PTPN4: variants seen among roughly 807,000 people sequenced by gnomAD.
PTPN4 encodes protein tyrosine phosphatase non-receptor type 4, also known as tyrosine-protein phosphatase non-receptor type 4.
In PTPN4, 49 loss-of-function variants were observed where a neutral mutation model predicts 135.5. That is an observed-to-expected ratio of 0.36 (90% confidence interval 0.29 to 0.46). The LOEUF (loss-of-function observed/expected upper bound fraction) is 0.46. PTPN4 is among the 20% of genes least tolerant of loss of function. The probability of loss-of-function intolerance (pLI) is 1.00; values close to 1 mark genes in which losing one functional copy is unlikely to be tolerated. For synonymous variants in PTPN4, 333 were observed against 369.9 expected (o/e 0.90, Z 1.14); for missense variants, 860 against 1,101.0 (o/e 0.78, Z 3.10).
chr2:119,906,463 C>T (rs1363187214), intron 10 of PTPN4, among the ~76,000 whole-genome samples: 2 of 152,174 alleles, frequency 1.3e-5, no homozygotes, highest in African/African-American at 2.4e-5. Flanking sequence ...CGTATCTACA[C>T]GTGATCAAGT....
rs551056585 is a variant in PTPN4, at chr2:119,877,981, C to T, written c.368+439C>T. Among the ~76,000 whole-genome samples the T allele has an allele frequency of 5.3e-5, 8 of 151,800 alleles. No individual in the cohort carries two copies. In the East Asian group the frequency reaches 1.4e-3, roughly 26 times the overall value. ...TTATAAAATATATAACCATTATTTG[C>T]GGGTCAGTAGGTACCTTTTGTCCCC... On this transcript the variant is annotated intron_variant, in intron 5 of 26. Transcript: ENST00000263708.
At chr2:119,882,005 G>T in intron 6 of PTPN4, 92 bp from the exon 7 acceptor site, 1 of 1,245,782 alleles carries the variant, frequency 8.0e-7, no homozygotes, top group South Asian at 1.2e-5. Flanking sequence ...CAAATCACAT[G>T]AAACTTCAAG....
intron 15 of PTPN4, among the ~76,000 whole-genome samples, chr2:119,937,331 T>A (rs1678997631): frequency 6.6e-6 from 1 of 152,188 alleles, no homozygotes; most frequent in Non-Finnish European, 1.5e-5. Context: ...AGATTTTTTT[T>A]AAGGTTTTTC....
intron 18 of PTPN4, among the ~76,000 whole-genome samples, chr2:119,950,155 G>C (rs1679191712): frequency 6.6e-6 from 1 of 152,096 alleles, no homozygotes; most frequent in South Asian, 2.1e-4. Context: ...AATAATGTGA[G>C]GAAAAGCTCT....
At chr2:119,801,394 A>G (rs1329055448) in intron 1 of PTPN4, among the ~76,000 whole-genome samples, 2 of 152,308 alleles carry the variant, frequency 1.3e-5, no homozygotes, top group Non-Finnish European at 2.9e-5. Context: ...GGCCTTCCAT[A>G]TTAATTTTAG....
rs776968615 is a variant in PTPN4 at position 119,951,985 on chromosome 2, G to A, written c.1669G>A (p.Val557Ile). Reference sequence around the variant, plus strand: ...TATTATATTACAGGCTGACCTCTGTGTCCCTAGACTGAATGAAGGGGACCA... The same window carrying A: ...TATTATATTACAGGCTGACCTCTGTATCCCTAGACTGAATGAAGGGGACCA... ...VAPGTPADLC[V>I]PRLNEGDQVV... The change falls in exon 19 of 27, where the codon GTC (valine) becomes ATC (isoleucine). Residue 557 changes from valine to isoleucine, a missense_variant. Val to Ile is a conservative substitution (Grantham distance 29). Transcript: ENST00000263708. 1.2e-5 allele frequency: 20 copies of A among 1,611,454 alleles called. No homozygotes were observed. The South Asian group carries it at 2.2e-4, about 18-fold the overall frequency.
chr2:119,954,615 C>T (rs1031136292), intron 19 of PTPN4, among the ~76,000 whole-genome samples: 6 of 152,256 alleles, frequency 3.9e-5, no homozygotes, highest in African/African-American at 1.4e-4. Context: ...GAGTGGGTAA[C>T]GGTAGAATAC....
At chr2:119,775,573 T>C (rs546669118) in intron 1 of PTPN4, among the ~76,000 whole-genome samples, 1 of 152,306 alleles carries the variant, frequency 6.6e-6, no homozygotes, top group Non-Finnish European at 1.5e-5. Flanking sequence ...TTACACATGA[T>C]ACTCTATGGA....
intron 14 of PTPN4, among the ~76,000 whole-genome samples, chr2:119,933,393 ACGTGGCTGGGTGCAGTGGCT>A (rs948370211): frequency 2.6e-5 from 4 of 152,138 alleles, no homozygotes; most frequent in African/African-American, 9.7e-5. Flanking sequence ...AAAATTCTAA[ACGTGGCTGGGTGCAGTGGCT>A]CATTCCTGTA....
chr2:119,927,976 C>T (rs1678849903), intron 13 of PTPN4, among the ~76,000 whole-genome samples: 1 of 152,006 alleles, frequency 6.6e-6, no homozygotes, highest in South Asian at 2.1e-4. Context: ...TTTAAAAACT[C>T]CAACAGTATC....
intron 1 of PTPN4, among the ~76,000 whole-genome samples, chr2:119,783,971 T>C (rs966655054): frequency 3.9e-5 from 6 of 152,112 alleles, no homozygotes; most frequent in Non-Finnish European, 8.8e-5. Context: ...AGATTGCTTA[T>C]TCATATGTCT....
At chr2:119,947,077 G>T (rs947071783) in intron 18 of PTPN4, among the ~76,000 whole-genome samples, 1 of 152,088 alleles carries the variant, frequency 6.6e-6, no homozygotes. Flanking sequence ...TCATTGTTCA[G>T]CTTCCACAAT....
intron 18 of PTPN4, among the ~76,000 whole-genome samples, chr2:119,949,619 T>C (rs938911489): frequency 3.9e-5 from 6 of 152,144 alleles, no homozygotes; most frequent in Admixed American, 1.3e-4. Flanking sequence ...GATGGGAGGA[T>C]TGTTTGAGCT....
chr2:119,830,775 C>T (rs959671076), intron 2 of PTPN4, among the ~76,000 whole-genome samples: 2 of 152,128 alleles, frequency 1.3e-5, no homozygotes, highest in African/African-American at 4.8e-5. Flanking sequence ...CCTCTCTCTC[C>T]TGCACCTGCT....
chr2:119,909,272 C>G (rs1384160462), intron 10 of PTPN4, among the ~76,000 whole-genome samples: 2 of 152,158 alleles, frequency 1.3e-5, no homozygotes, highest in Non-Finnish European at 2.9e-5. Context: ...CTGACTGACT[C>G]TCTTGTTGCG....
chr2:119,838,771 G>A (rs1210688117), intron 2 of PTPN4, among the ~76,000 whole-genome samples: 1 of 152,166 alleles, frequency 6.6e-6, no homozygotes, highest in African/African-American at 2.4e-5. Context: ...CTGCAACACT[G>A]GCAAAGGAAC....
chr2:119,944,210 C>A (rs2105046558), intron 15 of PTPN4, among the ~76,000 whole-genome samples: 1 of 152,240 alleles, frequency 6.6e-6, no homozygotes, highest in Non-Finnish European at 1.5e-5. Context: ...GACAGTAATT[C>A]TTTTATCAGA....
chr2:119,966,561 T>C (rs1679449038), intron 25 of PTPN4, among the ~76,000 whole-genome samples: 1 of 152,174 alleles, frequency 6.6e-6, no homozygotes, highest in Non-Finnish European at 1.5e-5. Context: ...CCTCACCGGT[T>C]CCACCTCCTA....
At chr2:119,854,206 G>A (rs1406712418) in intron 2 of PTPN4, among the ~76,000 whole-genome samples, 1 of 152,108 alleles carries the variant, frequency 6.6e-6, no homozygotes, top group Non-Finnish European at 1.5e-5. Context: ...GTCATCTGGA[G>A]GCAGCCATGA....
Sources: gnomAD v4.1 joint callset for allele counts (sites outside exome capture counted in the v4.1 genomes callset) on GRCh38, gnomAD v4.1.1 for gene constraint, MANE v1.5 for transcripts, NCBI Gene and HGNC (gene_info 2026-07-23, HGNC 2026-07-21) for gene names.